The following USP34 variants were observed in gnomAD, a reference collection of about 807,000 sequenced individuals.
USP34 encodes ubiquitin specific peptidase 34, also known as ubiquitin carboxyl-terminal hydrolase 34.
Under a neutral mutation model 460.3 loss-of-function variants are expected in USP34, and 70 were observed. The ratio of observed to expected loss-of-function variants is 0.15; its 90% CI spans 0.13 to 0.19. The LOEUF is 0.19. Ranked by LOEUF, USP34 falls within the 10% of genes least tolerant of loss-of-function variation. USP34 has a pLI of 1.00. For synonymous variants in USP34, 1,647 were observed against 1,405.3 expected, an observed-to-expected ratio of 1.17 and a Z score of -3.85; for missense variants, 3,985 against 4,236.2, an observed-to-expected ratio of 0.94 and a Z score of 1.65.
At chr2:61,452,001 C>T (rs1470416734) in intron 1 of USP34, among the ~76,000 whole-genome samples, 2 of 151,538 alleles carry the variant, frequency 1.3e-5, no homozygotes, top group East Asian at 3.9e-4. Flanking sequence ...CGGTGAAACC[C>T]GTCTCTACTA....
chr2:61,330,406 G>A (rs1691224663), intron 20 of USP34, among the ~76,000 whole-genome samples: 1 of 152,112 alleles, frequency 6.6e-6, no homozygotes, highest in Non-Finnish European at 1.5e-5. Context: ...GCACCCTAAA[G>A]GACACAGTAA....
At chr2:61,284,684 C>G (rs72813503) in intron 35 of USP34, among the ~76,000 whole-genome samples, 191 bp downstream of exon 35, 2 of 151,964 alleles carry the variant, frequency 1.3e-5, no homozygotes, top group Non-Finnish European at 2.9e-5. Flanking sequence ...ACAGAAAATA[C>G]GTGACTCATA....
intron 15 of USP34, among the ~76,000 whole-genome samples, chr2:61,344,950 A>T (rs1371483558): frequency 6.6e-6 from 1 of 152,128 alleles, no homozygotes; most frequent in Non-Finnish European, 1.5e-5. Flanking sequence ...CAACATTAGC[A>T]TTGCTATACA....
At chr2:61,229,063 A>C (rs1687810145) in intron 59 of USP34, 68 bp from the exon 60 acceptor site, 2 of 1,226,336 alleles carry the variant, frequency 1.6e-6, no homozygotes, top group Non-Finnish European at 2.2e-6. Context: ...GAGAAAAAGT[A>C]CTTTTTAAAC....
chr2:61,285,966 A>C (rs535112996), intron 34 of USP34, among the ~76,000 whole-genome samples: 16 of 152,312 alleles, frequency 1.1e-4, no homozygotes, highest in African/African-American at 3.8e-4. Flanking sequence ...TTCCTAAGGC[A>C]CTGTTTCTGC....
chr2:61,423,402 TC>T (rs527446181), intron 1 of USP34, among the ~76,000 whole-genome samples: 66 of 152,150 alleles, frequency 4.3e-4, no homozygotes, highest in South Asian at 3.5e-3. Flanking sequence ...CAGATGCATT[TC>T]TAATACACTA....
At chr2:61,374,516 A>G (rs1022199942) in intron 8 of USP34, among the ~76,000 whole-genome samples, 5 of 152,168 alleles carry the variant, frequency 3.3e-5, no homozygotes, top group Admixed American at 6.5e-5. Flanking sequence ...ATTCCCACCT[A>G]AAGTCAAACA....
At chr2:61,361,466 A>G (rs560669346) in intron 10 of USP34, among the ~76,000 whole-genome samples, 1 of 152,178 alleles carries the variant, frequency 6.6e-6, no homozygotes. Context: ...AAACAGACAT[A>G]TGGACCCATA....
chr2:61,435,328 A>AAAAAAAAAAAAACAAAAAAAC, intron 1 of USP34, among the ~76,000 whole-genome samples: 1 of 150,184 alleles, frequency 6.7e-6, no homozygotes, highest in Non-Finnish European at 1.5e-5. Flanking sequence ...AAAAAAAAAA[A>AAAAAAAAAAAAACAAAAAAAC]AGAACTCTAA....
At chr2:61,268,039 C>T (rs1335218258) in intron 41 of USP34, among the ~76,000 whole-genome samples, 1 of 152,096 alleles carries the variant, frequency 6.6e-6, no homozygotes, top group Non-Finnish European at 1.5e-5. Context: ...CAGATGTGAG[C>T]CACTGCACCT....
intron 8 of USP34, among the ~76,000 whole-genome samples, chr2:61,375,794 A>AAAAAAAAAAAAAAC: frequency 6.7e-6 from 1 of 148,628 alleles, no homozygotes; most frequent in East Asian, 2.0e-4. Flanking sequence ...AAAAAAAAAA[A>AAAAAAAAAAAAAAC]GTAGAAACAA....
rs547853423 is a variant in USP34 at position 61,359,044 on chromosome 2, CCA to C, written c.1252-8353_1252-8352del. ...ATATTAATACTGCCTCCAAAGTGAT[CCA>C]CAGAGTCAATGCAATATCTATTCTT... On this transcript the variant is annotated intron_variant, in intron 10 of 79. Transcript: ENST00000398571. 2.2e-4 allele frequency among the ~76,000 whole-genome samples: 34 copies of C among 152,166 alleles called. No homozygotes were observed. The East Asian group carries it at 6.6e-3, about 29-fold the overall frequency.
chr2:61,412,945 T>C (rs779443465), intron 2 of USP34, among the ~76,000 whole-genome samples: 3 of 147,360 alleles, frequency 2.0e-5, no homozygotes, highest in Admixed American at 6.7e-5. Flanking sequence ...GGGTACAATA[T>C]CTGACTAACA....
chr2:61,272,988 G>A (rs774867711), intron 41 of USP34, among the ~76,000 whole-genome samples: 2 of 152,114 alleles, frequency 1.3e-5, no homozygotes, highest in Non-Finnish European at 2.9e-5. Context: ...AACAGCTAAA[G>A]ATAACTGAAA....
intron 75 of USP34, among the ~76,000 whole-genome samples, chr2:61,199,781 T>C (rs1686916135): frequency 6.6e-6 from 1 of 152,184 alleles, no homozygotes; most frequent in Admixed American, 6.5e-5. Flanking sequence ...GAACCTATAC[T>C]ACATGGTTTT....
At chr2:61,284,741 A>AT in intron 35 of USP34, 134 bp downstream of exon 35, 1 of 609,386 alleles carries the variant, frequency 1.6e-6, no homozygotes, top group Non-Finnish European at 2.8e-6. Flanking sequence ...GTAAATTTGG[A>AT]TGGAAGGTAT....
At chr2:61,427,932 G>A (rs1320703586) in intron 1 of USP34, among the ~76,000 whole-genome samples, 1 of 152,086 alleles carries the variant, frequency 6.6e-6, no homozygotes, top group Non-Finnish European at 1.5e-5. Flanking sequence ...GATGGCTGAG[G>A]GAGGCAGATC....
chr2:61,295,353 TTAAAC>T, intron 30 of USP34, 63 bp from the exon 31 acceptor site: 1 of 1,505,898 alleles, frequency 6.6e-7, no homozygotes, highest in African/African-American at 1.4e-5. Context: ...AAGAAAAACT[TTAAAC>T]AAACTGACAC....
intron 5 of USP34, among the ~76,000 whole-genome samples, chr2:61,386,634 CA>C (rs1693153497): frequency 6.6e-6 from 1 of 151,826 alleles, no homozygotes; most frequent in Admixed American, 6.6e-5. Context: ...ACTAAAAATA[CA>C]AAAAATTAGC....
Sources: allele counts gnomAD v4.1 joint callset (sites outside exome capture counted in the v4.1 genomes callset), GRCh38; gene constraint gnomAD v4.1.1; transcripts MANE v1.5; gene names NCBI Gene and HGNC (gene_info 2026-07-23, HGNC 2026-07-21).